SRP19: variants seen among roughly 807,000 people sequenced by gnomAD.
The protein encoded by SRP19 is signal recognition particle 19 kDa protein.
SRP19 carries 11 observed loss-of-function variants against 22.4 expected under a neutral mutation model. That is an observed-to-expected ratio of 0.49 (90% CI 0.31 to 0.81). SRP19 has a LOEUF of 0.81. Ranked by LOEUF, SRP19 falls within the 40% of genes least tolerant of loss-of-function variation. SRP19 has a pLI of 0.05. For synonymous variants in SRP19, 61 were observed against 57.6 expected, an observed-to-expected ratio of 1.06 and a Z score of -0.27; for missense variants, 168 against 175.9, an observed-to-expected ratio of 0.96 and a Z score of 0.25.
chr5:112,871,960 CACTT>C (rs1404056682), downstream of SRP19, among the ~76,000 whole-genome samples: 2 of 152,194 alleles, frequency 1.3e-5, no homozygotes, highest in African/African-American at 4.8e-5. Flanking sequence ...ATCCTCTACT[CACTT>C]CTTAAGGAAT....
chr5:112,880,693 A>G (rs1768045447), intron 4 of SRP19, among the ~76,000 whole-genome samples: 1 of 152,228 alleles, frequency 6.6e-6, no homozygotes, highest in Non-Finnish European at 1.5e-5. Flanking sequence ...GTGTCATAAC[A>G]AAGTAAGATT....
chr5:112,881,706 C>T (rs1346688147), intron 4 of SRP19, among the ~76,000 whole-genome samples: 1 of 152,124 alleles, frequency 6.6e-6, no homozygotes, highest in Non-Finnish European at 1.5e-5. Context: ...TCTTGGGCTA[C>T]TTTGCCTTAG....
intron 4 of SRP19, among the ~76,000 whole-genome samples, chr5:112,887,936 TAAAAAG>T (rs992107029): frequency 1.1e-4 from 17 of 152,172 alleles, no homozygotes; most frequent in African/African-American, 3.1e-4. Context: ...CTTTTTAAGA[TAAAAAG>T]AAAAGCAGAA....
chr5:112,873,415 C>T (rs1265089998), downstream of SRP19, among the ~76,000 whole-genome samples: 5 of 144,072 alleles, frequency 3.5e-5, no homozygotes, highest in Non-Finnish European at 7.5e-5. Context: ...GGCCCGATCT[C>T]GGCTCACCGC....
chr5:112,876,377 T>A (rs1459435607), intron 4 of SRP19: 3 of 152,134 alleles, frequency 2.0e-5, no homozygotes, highest in Non-Finnish European at 4.4e-5. Flanking sequence ...TAAAATGAAA[T>A]ATAACAGTTA....
chr5:112,891,620 G>C (rs759904646), exon 5 of SRP19: 17 of 1,583,220 alleles, frequency 1.1e-5, no homozygotes, highest in Admixed American at 1.8e-5. Context: ...ATGTCTGAGG[G>C]GTCAGGCGGT....
At chr5:112,885,885 A>C (rs906262577) in intron 4 of SRP19, 1 of 193,780 alleles carries the variant, frequency 5.2e-6, no homozygotes, top group African/African-American at 2.4e-5. Flanking sequence ...GTGAAGGAAG[A>C]CTTTGTGGAA....
At chr5:112,861,443 C>A (rs10477484) in intron 1 of SRP19, 26 bp downstream of exon 1, 26,278 of 1,609,176 alleles carry the variant, frequency 0.016, 427 homozygotes, top group African/African-American at 0.082. Context: ...GTGGGTCCTC[C>A]GAAAGGAAGG....
Position 112,867,886 on chromosome 5 carries a change from A to G in SRP19, c.*349A>G. 1 of 992,660 alleles carries G rather than the reference A, an allele frequency of 1.0e-6. No individual in the cohort carries two copies. Among genetic ancestry groups the G allele is most frequent in the Non-Finnish European group, 1.2e-6 (1 of 833,238 alleles). The allele number at this position is 992,660 out of a possible 1,614,324, so 61.5% of individuals were successfully genotyped here. A position where few individuals can be genotyped will look rare whatever the true frequency, so the allele number is the denominator to read the frequency against. On this transcript the variant is annotated 3_prime_UTR_variant, in exon 5 of 5. Transcript: ENST00000505459. ...AACATTTTGTCCACCTTTTAAGTTA[A>G]TGAAATAAAATTTGAAACTGACTTT... is the stretch of plus-strand genomic sequence containing the variant.
At chr5:112,872,356 C>T (rs1052301217), downstream of SRP19, among the ~76,000 whole-genome samples, 142 of 96,028 alleles carry the variant, frequency 1.5e-3, no homozygotes, top group African/African-American at 3.4e-3. Context: ...GAGACAGAGT[C>T]TTATTCTTGT....
At chr5:112,885,500 GGC>G in intron 4 of SRP19, 4 of 206,048 alleles carry the variant, frequency 1.9e-5, no homozygotes, top group Non-Finnish European at 4.1e-5. Flanking sequence ...TCCCTAACTA[GGC>G]AGATGAGGGT....
downstream of SRP19, among the ~76,000 whole-genome samples, chr5:112,870,205 G>A (rs1422796044): frequency 6.6e-6 from 1 of 152,108 alleles, no homozygotes; most frequent in Non-Finnish European, 1.5e-5. Context: ...ATGCATACTG[G>A]GTCAGGTACA....
intron 4 of SRP19, among the ~76,000 whole-genome samples, chr5:112,879,616 T>G (rs1008856812): frequency 8.5e-5 from 13 of 152,058 alleles, no homozygotes; most frequent in Middle Eastern, 3.4e-3. Flanking sequence ...TGGGACTACA[T>G]GCACTCACCA....
At chr5:112,864,573 GT>G (rs1238006811) in intron 3 of SRP19, 45 bp downstream of exon 3, 1 of 1,611,204 alleles carries the variant, frequency 6.2e-7, no homozygotes, top group South Asian at 1.1e-5. Context: ...TCTAATTGAT[GT>G]AATAACTTTC....
chr5:112,892,402 G>A (rs1212765273), exon 5 of SRP19: 110 of 1,613,998 alleles, frequency 6.8e-5, no homozygotes, highest in Non-Finnish European at 8.6e-5. Context: ...GTTCAAGAAC[G>A]TGGGGAAAGT....
intron 4 of SRP19, chr5:112,876,249 A>G (rs1249479036): frequency 6.6e-6 from 1 of 152,198 alleles, no homozygotes; most frequent in Admixed American, 6.5e-5. Context: ...CACCAGGAGA[A>G]AACTACAAGC....
chr5:112,880,895 G>A (rs144492045), intron 4 of SRP19, among the ~76,000 whole-genome samples: 5,305 of 152,198 alleles, frequency 0.035, 225 homozygotes, highest in East Asian at 0.16. Context: ...TTGAGAGGCC[G>A]AGGTGGGTGG....
intron 4 of SRP19, among the ~76,000 whole-genome samples, chr5:112,875,907 C>T (rs1352184656): frequency 6.6e-6 from 1 of 151,796 alleles, no homozygotes; most frequent in Non-Finnish European, 1.5e-5. Context: ...AGTAGCCAGG[C>T]GTGGCGGCGG....
At chr5:112,862,438 C>G (rs1004673217) in intron 1 of SRP19, 70 bp from the exon 2 acceptor site, 1 of 1,411,236 alleles carries the variant, frequency 7.1e-7, no homozygotes, top group Non-Finnish European at 1.0e-6. Flanking sequence ...CTTTGGTTCC[C>G]TGCCACCCGA....
Sources: gnomAD v4.1 joint callset for allele counts (sites outside exome capture counted in the v4.1 genomes callset) on GRCh38, gnomAD v4.1.1 for gene constraint, MANE v1.5 for transcripts, NCBI Gene and HGNC (gene_info 2026-07-23, HGNC 2026-07-21) for gene names.